The following RABGEF1 variants were observed in gnomAD, a reference collection of about 807,000 sequenced individuals.
RABGEF1 encodes the protein RAB guanine nucleotide exchange factor 1.
RABGEF1 carries 26 observed loss-of-function variants against 57.3 expected under a neutral mutation model. The observed-to-expected ratio is 0.45, with a 90% confidence interval of 0.33 to 0.63. The LOEUF (loss-of-function observed/expected upper bound fraction) is 0.63. Ranked by LOEUF, RABGEF1 falls within the 20% of genes least tolerant of loss-of-function variation. The pLI is 0.02. For missense variants in RABGEF1, 464 were observed against 607.6 expected (o/e 0.76, Z 2.48); for synonymous variants, 185 against 210.7 (o/e 0.88, Z 1.06).
At chr7:66,692,466 C>T (rs1183457142) in intron 1 of RABGEF1, among the ~76,000 whole-genome samples, 1 of 152,208 alleles carries the variant, frequency 6.6e-6, no homozygotes, top group Non-Finnish European at 1.5e-5. Context: ...CTCCAAGGCA[C>T]AGTGGCCCTG....
At chr7:66,695,444 T>C (rs1255943767) in intron 1 of RABGEF1, among the ~76,000 whole-genome samples, 1 of 152,094 alleles carries the variant, frequency 6.6e-6, no homozygotes, top group Non-Finnish European at 1.5e-5. Context: ...GGGCAGGGGC[T>C]TTGACGCAAG....
chr7:66,772,180 C>A, intron 2 of RABGEF1, 102 bp downstream of exon 2: 2 of 958,210 alleles, frequency 2.1e-6, no homozygotes, highest in Non-Finnish European at 2.8e-6. Flanking sequence ...GAGCTATCAG[C>A]AAGTCAGTTT....
intron 1 of RABGEF1, among the ~76,000 whole-genome samples, chr7:66,757,832 C>T (rs1803154159): frequency 6.6e-6 from 1 of 152,084 alleles, no homozygotes; most frequent in Non-Finnish European, 1.5e-5. Flanking sequence ...AGGATGGTCT[C>T]GATCTTCTGA....
intron 1 of RABGEF1, among the ~76,000 whole-genome samples, chr7:66,750,117 G>A (rs954188581): frequency 6.6e-6 from 1 of 152,216 alleles, no homozygotes; most frequent in African/African-American, 2.4e-5. Flanking sequence ...GGCCGTTGCA[G>A]TTGGGGTTGT....
At chr7:66,687,510 A>G (rs1296685043) in intron 1 of RABGEF1, among the ~76,000 whole-genome samples, 1 of 151,628 alleles carries the variant, frequency 6.6e-6, no homozygotes, top group Non-Finnish European at 1.5e-5. Context: ...GAAAGAAAAA[A>G]GAAAAGAAGA....
At chr7:66,765,972 T>G (rs755825289) in intron 1 of RABGEF1, among the ~76,000 whole-genome samples, 6 of 152,200 alleles carry the variant, frequency 3.9e-5, no homozygotes, top group Non-Finnish European at 8.8e-5. Context: ...AAAAACTTAA[T>G]TGATCTATAC....
chr7:66,738,555 C>T (rs527935586), upstream of RABGEF1, among the ~76,000 whole-genome samples: 1 of 151,784 alleles, frequency 6.6e-6, no homozygotes, highest in South Asian at 2.1e-4. Flanking sequence ...CATGGCAAAA[C>T]CTTGTCTCTA....
intron 1 of RABGEF1, chr7:66,682,285 G>C (rs1176340219): frequency 6.2e-6 from 1 of 160,788 alleles, no homozygotes; most frequent in East Asian, 1.9e-4. Flanking sequence ...CTGGGGCTAA[G>C]AGCTGCGCGG....
chr7:66,746,611 AT>A (rs1800291286), intron 1 of RABGEF1, among the ~76,000 whole-genome samples: 1 of 133,688 alleles, frequency 7.5e-6, no homozygotes, highest in Non-Finnish European at 1.6e-5. Flanking sequence ...TTTATTTATA[AT>A]ATAACCTTTT....
chr7:66,763,277 TTTTA>T (rs1804896503), intron 1 of RABGEF1, among the ~76,000 whole-genome samples: 1 of 152,160 alleles, frequency 6.6e-6, no homozygotes, highest in Admixed American at 6.6e-5. Flanking sequence ...CAGCCTGGGT[TTTTA>T]TTTGGAGGTG....
chr7:66,753,701 GTTTT>G (rs1224800315), intron 1 of RABGEF1, among the ~76,000 whole-genome samples: 2 of 78,764 alleles, frequency 2.5e-5, no homozygotes, highest in Non-Finnish European at 4.6e-5. Context: ...TTTTGCCATC[GTTTT>G]TTTTTTTTTT....
At chr7:66,741,669 C>T (rs770722585) in intron 1 of RABGEF1, among the ~76,000 whole-genome samples, 2 of 152,118 alleles carry the variant, frequency 1.3e-5, no homozygotes, top group Non-Finnish European at 2.9e-5. Flanking sequence ...AGCTGCTTTC[C>T]CCCCTCTAAA....
intron 1 of RABGEF1, among the ~76,000 whole-genome samples, chr7:66,766,306 A>G (rs80069798): frequency 1.5e-5 from 2 of 135,886 alleles, no homozygotes; most frequent in African/African-American, 5.1e-5. Flanking sequence ...CTGTCTTCCA[A>G]AAAAAAAAAA....
chr7:66,756,040 G>C, intron 1 of RABGEF1: 1 of 1,500,644 alleles, frequency 6.7e-7, no homozygotes, highest in Non-Finnish European at 8.8e-7. Context: ...ATGCTAATAA[G>C]TCTTTTATTA....
At chr7:66,796,682 C>T (rs1204192368) in intron 5 of RABGEF1, 1 of 273,320 alleles carries the variant, frequency 3.7e-6, no homozygotes, top group Admixed American at 5.3e-5. Context: ...AACTCTGCCT[C>T]CCAGGTTCAA....
intron 7 of RABGEF1, 127 bp downstream of exon 7, chr7:66,799,541 ATTTG>A: frequency 1.4e-6 from 1 of 725,646 alleles, no homozygotes; most frequent in Non-Finnish European, 2.2e-6. Flanking sequence ...AGTAAAAGTG[ATTTG>A]TAAGATTGTT....
At chr7:66,781,500 G>T (rs1339109583) in intron 3 of RABGEF1, among the ~76,000 whole-genome samples, 2 of 152,064 alleles carry the variant, frequency 1.3e-5, no homozygotes, top group Non-Finnish European at 2.9e-5. Flanking sequence ...TCCTAATTAG[G>T]TTATCCCTCC....
At chr7:66,678,434 A>T (rs1304428810), upstream of RABGEF1, among the ~76,000 whole-genome samples, 1 of 151,508 alleles carries the variant, frequency 6.6e-6, no homozygotes, top group East Asian at 2.0e-4. Context: ...GCGTGGTGGC[A>T]GGCGCCTGTA....
chr7:66,736,914 GCA>G (rs1453977731), upstream of RABGEF1, among the ~76,000 whole-genome samples: 2 of 151,944 alleles, frequency 1.3e-5, no homozygotes, highest in South Asian at 2.1e-4. Context: ...ATACACACAT[GCA>G]CAGACACCTA....
Sources: gnomAD v4.1 joint callset for allele counts (sites outside exome capture counted in the v4.1 genomes callset) on GRCh38, gnomAD v4.1.1 for gene constraint, MANE v1.5 for transcripts, NCBI Gene and HGNC (gene_info 2026-07-23, HGNC 2026-07-21) for gene names.